HLCS: variants seen among roughly 807,000 people sequenced by gnomAD.
HLCS encodes the protein holocarboxylase synthetase, also known as biotin--protein ligase.
In HLCS, 53 loss-of-function variants were observed where a neutral mutation model predicts 75.0. That is an observed-to-expected ratio of 0.71 (90% CI 0.57 to 0.89). The LOEUF (loss-of-function observed/expected upper bound fraction) is 0.89, where lower values mean the gene tolerates loss of function less well. Ranked by LOEUF, HLCS falls within the 40% of genes least tolerant of loss-of-function variation. The probability of loss-of-function intolerance (pLI) is 0.00; values close to 1 mark genes in which losing one functional copy is unlikely to be tolerated. For missense variants in HLCS, 966 were observed against 1,074.0 expected (o/e 0.90, Z 1.41); for synonymous variants, 431 against 428.6 (o/e 1.01, Z -0.07).
At chr21:36,794,507 C>T (rs376801864) in intron 6 of HLCS, among the ~76,000 whole-genome samples, 1 of 152,036 alleles carries the variant, frequency 6.6e-6, no homozygotes, top group Non-Finnish European at 1.5e-5. Flanking sequence ...AGGTGACCGA[C>T]GTGGCTGAAG....
rs1569149812 is a variant in HLCS at position 36,888,473 on chromosome 21, TATATATATATATATATATATA to T, written c.1892+8366_1892+8386del. Among the ~76,000 whole-genome samples the T allele has an allele frequency of 2.2e-3, 275 of 123,938 alleles. 12 individuals carry two copies. The highest frequency in any genetic ancestry group is 4.0e-3 in the African/African-American group (124 of 30,838). 81.3% of individuals were successfully genotyped at this position (123,938 alleles called of 152,430 possible). The stretch of plus-strand genomic sequence containing the variant: ...ATATATATATATATATATATATATA[TATATATATATATATATATATA>T]TATTTATTTATTTATTTTATGGGAT... On this transcript the variant is annotated intron_variant, in intron 6 of 10. Coordinates refer to ENST00000674895, the MANE Select transcript of HLCS (RefSeq NM_001352514.2).
Position 36,765,061 on chromosome 21 carries a change from A to T in HLCS, c.2072T>A (p.Leu691Gln). 6.2e-7 allele frequency: 1 copy of T among 1,614,210 alleles called. No homozygotes were observed. Among genetic ancestry groups the T allele is most frequent in the Non-Finnish European group, 8.5e-7 (1 of 1,180,036 alleles). ...LGQRIPFVQH[L>Q]MSVAVVEAVR... is the part of the protein sequence containing the mutation. Reference sequence around the variant, plus strand: ...TGCTTCCACGACAGCCACGGACATCAGATGCTGGACAAACGGGATCCTCTG... The same window carrying T: ...TGCTTCCACGACAGCCACGGACATCTGATGCTGGACAAACGGGATCCTCTG... Residue 691 changes from leucine to glutamine, a missense_variant, in exon 8 of 11, where the codon CTG becomes CAG. By Grantham distance (113) the Leu-to-Gln change is moderately radical. Coordinates refer to ENST00000674895, the MANE Select transcript of HLCS (RefSeq NM_001352514.2).
chr21:36,846,310 C>A (rs993892596), intron 6 of HLCS, among the ~76,000 whole-genome samples: 1 of 152,130 alleles, frequency 6.6e-6, no homozygotes, highest in South Asian at 2.1e-4. Flanking sequence ...ACACAGTAGG[C>A]ACTCAATAAA....
At chr21:36,795,739 C>A (rs940004660) in intron 6 of HLCS, among the ~76,000 whole-genome samples, 7 of 152,222 alleles carry the variant, frequency 4.6e-5, no homozygotes, top group African/African-American at 1.7e-4. Context: ...CTCTGTTTCC[C>A]TTTTGGAGGA....
At chr21:36,913,256 C>T (rs561863151) in intron 5 of HLCS, among the ~76,000 whole-genome samples, 24 of 152,288 alleles carry the variant, frequency 1.6e-4, no homozygotes, top group African/African-American at 5.5e-4. Flanking sequence ...TCCTATCCCA[C>T]GGTCCTCACA....
At chr21:36,894,801 A>G (rs1735705899) in intron 6 of HLCS, among the ~76,000 whole-genome samples, 1 of 151,924 alleles carries the variant, frequency 6.6e-6, no homozygotes, top group African/African-American at 2.4e-5. Flanking sequence ...CTCAGCTTCA[A>G]TGTCTGTCAA....
At chr21:36,950,297 T>C (rs972445594) in intron 2 of HLCS, among the ~76,000 whole-genome samples, 1 of 152,160 alleles carries the variant, frequency 6.6e-6, no homozygotes, top group African/African-American at 2.4e-5. Context: ...TCAATTCTGC[T>C]ACATAGAAAA....
rs73902723 is a variant in HLCS at position 36,761,646 on chromosome 21, G to T, written c.2122-1805C>A. Among the ~76,000 whole-genome samples, 918 of 152,230 alleles carry T rather than the reference G, an allele frequency of 6.0e-3. 11 individuals are homozygous for T. The highest frequency in any genetic ancestry group is 0.021 in the African/African-American group (877 of 41,538). ...GCAATGCTGACACACATCCTTTAAG[G>T]CACAGGACATCCCCACGACAAACAT... On this transcript the variant is annotated intron_variant, in intron 8 of 10. Coordinates refer to ENST00000674895, the MANE Select transcript of HLCS (RefSeq NM_001352514.2).
At chr21:36,922,923 A>C (rs760150945) in intron 5 of HLCS, among the ~76,000 whole-genome samples, 7 of 152,262 alleles carry the variant, frequency 4.6e-5, no homozygotes, top group Non-Finnish European at 8.8e-5. Flanking sequence ...TCACATCCCA[A>C]GAACTGAAGG....
At chr21:36,772,482 A>T (rs901372916) in intron 6 of HLCS, among the ~76,000 whole-genome samples, 2 of 152,026 alleles carry the variant, frequency 1.3e-5, no homozygotes, top group Non-Finnish European at 2.9e-5. Flanking sequence ...ATCAAAAAAT[A>T]CAAAAATTTA....
intron 6 of HLCS, among the ~76,000 whole-genome samples, chr21:36,823,127 G>A (rs1385619486): frequency 6.6e-6 from 1 of 152,170 alleles, no homozygotes; most frequent in Non-Finnish European, 1.5e-5. Flanking sequence ...TTTCAGAAGT[G>A]TTAAAATGTG....
chr21:36,843,939 T>A (rs1018095372), intron 6 of HLCS, among the ~76,000 whole-genome samples: 6 of 152,164 alleles, frequency 3.9e-5, no homozygotes, highest in African/African-American at 1.2e-4. Flanking sequence ...GCCCAGGAGA[T>A]TGAGGCTGCA....
At chr21:36,789,722 T>C (rs540589614) in intron 6 of HLCS, among the ~76,000 whole-genome samples, 1 of 152,378 alleles carries the variant, frequency 6.6e-6, no homozygotes, top group South Asian at 2.1e-4. Flanking sequence ...CATTTTCTAG[T>C]CCTTTCTCAA....
intron 6 of HLCS, among the ~76,000 whole-genome samples, chr21:36,892,756 G>T (rs890016335): frequency 6.6e-6 from 1 of 152,124 alleles, no homozygotes; most frequent in Non-Finnish European, 1.5e-5. Context: ...GATGGGGAAT[G>T]GTAGACGGAG....
At chr21:36,840,342 T>C (rs114392625) in intron 6 of HLCS, among the ~76,000 whole-genome samples, 1,735 of 152,312 alleles carry the variant, frequency 0.011, 24 homozygotes, top group African/African-American at 0.039. Flanking sequence ...GTTGAAGTAC[T>C]GCCTTCATAA....
intron 6 of HLCS, among the ~76,000 whole-genome samples, chr21:36,886,432 CAAAAAAAAAAA>C (rs11297170): frequency 6.0e-5 from 4 of 66,928 alleles, no homozygotes; most frequent in Non-Finnish European, 1.1e-4. Context: ...GACTCCATCT[CAAAAAAAAAAA>C]AAAAAAAAAA....
At chr21:36,952,637 A>C (rs569508102) in intron 2 of HLCS, among the ~76,000 whole-genome samples, 1 of 152,124 alleles carries the variant, frequency 6.6e-6, no homozygotes, top group Admixed American at 6.5e-5. Flanking sequence ...ACTAAAAATA[A>C]AAAATTAGCT....
intron 6 of HLCS, among the ~76,000 whole-genome samples, chr21:36,874,241 A>G (rs962089631): frequency 2.0e-5 from 3 of 152,108 alleles, no homozygotes; most frequent in Admixed American, 1.3e-4. Flanking sequence ...TCTCTACTAA[A>G]AATACAAAAA....
In HLCS at chr21:36,854,041, T is replaced by C. The variant is rs11088364; in HGVS notation, c.1892+42819A>G. ...AAATATAAAATAACGATGTGAAATT[T>C]TGACTATTAAAAAAGAGTCTCATAT... On this transcript the variant is annotated intron_variant, in intron 6 of 10. Transcript: ENST00000674895. Among the ~76,000 whole-genome samples the C allele has an allele frequency of 6.8e-3, 1,035 of 152,308 alleles. 10 individuals are homozygous for C. The highest frequency in any genetic ancestry group is 0.01 in the Non-Finnish European group (690 of 68,020).
Sources: gnomAD v4.1 joint callset for allele counts (sites outside exome capture counted in the v4.1 genomes callset) on GRCh38, gnomAD v4.1.1 for gene constraint, MANE v1.5 for transcripts, NCBI Gene and HGNC (gene_info 2026-07-23, HGNC 2026-07-21) for gene names.